The following RIPOR1 variants were observed in gnomAD, a reference collection of about 807,000 sequenced individuals.
RIPOR1 encodes rho family-interacting cell polarization regulator 1.
A neutral mutation model predicts 116.5 loss-of-function variants in RIPOR1; 58 were observed. The ratio of observed to expected loss-of-function variants is 0.50; its 90% CI spans 0.40 to 0.62. The LOEUF is 0.62. RIPOR1 is among the 20% of genes least tolerant of loss of function. The pLI, the probability that RIPOR1 is intolerant of heterozygous loss-of-function variation, is 0.00. For missense variants in RIPOR1, 1,372 were observed against 1,586.2 expected (o/e 0.86, Z 2.29); for synonymous variants, 605 against 650.0 (o/e 0.93, Z 1.05).
Position 67,530,074 on chromosome 16 carries a change from G to A in RIPOR1, c.-24+1160G>A, listed in dbSNP as rs2050616201. The A allele has an allele frequency of 1.6e-6, 1 of 606,588 alleles. No individual in the cohort carries two copies. The highest frequency in any genetic ancestry group is 3.0e-6 in the Non-Finnish European group (1 of 336,862). 37.6% of individuals were successfully genotyped at this position (606,588 alleles called of 1,614,324 possible). On this transcript the variant is annotated intron_variant, in intron 1 of 21. Coordinates refer to ENST00000042381, the MANE Select transcript of RIPOR1 (RefSeq NM_024519.4). The surrounding 1 kb of genome is among the most constrained non-coding windows in gnomAD (Gnocchi z 4.5). Reference sequence around the variant, plus strand: ...GGCTTGGGTCCTGTGACTGCGGCGGGAGAGAGGAGCAAGGTGAGCCGCCCC... The same window carrying A: ...GGCTTGGGTCCTGTGACTGCGGCGGAAGAGAGGAGCAAGGTGAGCCGCCCC...
In RIPOR1 at chr16:67,530,346, G is replaced by A. The variant is rs1479105018; in HGVS notation, c.-24+1432G>A. On this transcript the variant is annotated intron_variant, in intron 1 of 21. Transcript: ENST00000042381. The surrounding 1 kb of genome is among the most constrained non-coding windows in gnomAD (Gnocchi z 4.5). Reference sequence around the variant, plus strand: ...TGAGGCCACCCGACAGCCTCCGCCCGGTTCCGGGGTGGGGGGTCCGGGGCT... The same window carrying A: ...TGAGGCCACCCGACAGCCTCCGCCCAGTTCCGGGGTGGGGGGTCCGGGGCT... Among the ~76,000 whole-genome samples, 1 of 152,242 alleles carries A rather than the reference G, an allele frequency of 6.6e-6. No homozygotes were observed. The highest frequency in any genetic ancestry group is 2.1e-4 in the South Asian group (1 of 4,832).
rs1190733314 is a variant in RIPOR1 at position 67,543,394 on chromosome 16, C to A, written c.2525C>A (p.Thr842Asn). 1.3e-6 allele frequency: 2 copies of A among 1,593,434 alleles called. No homozygotes were observed. The highest frequency in any genetic ancestry group is 2.3e-5 in the East Asian group (1 of 44,206). ...AGCCGGGCCTCCAGTCTCAGCATCA[C>A]TGTGGAGCATGCCTTGGAGAGCTTC... ...TRSRASSLSI[T>N]VEHALESFSF... is the part of the protein sequence containing the mutation. The change falls in exon 14 of 22, where the codon ACT becomes AAT. Residue 842 changes from threonine to asparagine, a missense_variant. Coordinates refer to ENST00000042381, the MANE Select transcript of RIPOR1 (RefSeq NM_024519.4). The surrounding 1 kb of genome is among the most constrained non-coding windows in gnomAD (Gnocchi z 4.7).
chr16:67,544,490 G>A lies in RIPOR1; in HGVS notation c.2733+59G>A. The A allele has an allele frequency of 6.4e-7, 1 of 1,567,670 alleles. No homozygotes were observed. Among genetic ancestry groups the A allele is most frequent in the Non-Finnish European group, 8.6e-7 (1 of 1,156,966 alleles). On this transcript the variant is annotated intron_variant, in intron 15 of 21. Transcript: ENST00000042381. The surrounding 1 kb of genome is among the most constrained non-coding windows in gnomAD (Gnocchi z 5.1). ...GTAACCCCTAACCCCAGGGAGTCCT[G>A]CCCTTCCATCCTGGTCCTCTATACC...
rs1384234551 is a variant in RIPOR1 at position 67,537,235 on chromosome 16, CCTACT to C, written c.-23-1185_-23-1181del. 4.6e-5 allele frequency among the ~76,000 whole-genome samples: 7 copies of C among 152,170 alleles called. No individual in the cohort carries two copies. The highest frequency in any genetic ancestry group is 1.7e-4 in the African/African-American group (7 of 41,454). On this transcript the variant is annotated intron_variant, in intron 1 of 21. Transcript: ENST00000042381. The surrounding 1 kb of genome is among the most constrained non-coding windows in gnomAD (Gnocchi z 4.6). ...GCCTCAATAGCGACTCTTTAAGCCCCCTACTCTAATGTCTGATACTTCCTCCACTT... is the reference window on the plus strand; with the variant it reads ...GCCTCAATAGCGACTCTTTAAGCCCCCTAATGTCTGATACTTCCTCCACTT...
rs373646662 is a variant in RIPOR1 at position 67,539,830 on chromosome 16, C to T, written c.361-16C>T. ...ACCCTGGGCCTCAGGCCCCTCCTGA[C>T]CCACCTCTCCCCCAGCAAGTCAAGT... On this transcript the variant is annotated splice_polypyrimidine_tract_variant and intron_variant, in intron 5 of 21. Transcript: ENST00000042381. The T allele has an allele frequency of 3.1e-6, 5 of 1,614,078 alleles. No homozygotes were observed. Among genetic ancestry groups the T allele is most frequent in the East Asian group, 4.5e-5 (2 of 44,902 alleles).
In RIPOR1 at chr16:67,543,244, C is replaced by T. The variant is rs763455882; in HGVS notation, c.2458C>T (p.Arg820Cys). ...ELQGLEQEVT[R>C]LESLLMQRQG... ...GCAGGGCCTGGAGCAGGAGGTGACCCGCCTAGAAAGTCTGCTCATGGTGAG... is the reference window on the plus strand; with the variant it reads ...GCAGGGCCTGGAGCAGGAGGTGACCTGCCTAGAAAGTCTGCTCATGGTGAG... The change falls in exon 13 of 22, where the codon CGC (arginine) becomes TGC (cysteine). Residue 820 changes from arginine to cysteine, a missense_variant. This residue lies in a region of RIPOR1 where 1,005 missense variants were observed against 1,144.7 expected (regional missense o/e 0.88). Coordinates refer to ENST00000042381, the MANE Select transcript of RIPOR1 (RefSeq NM_024519.4). The surrounding 1 kb of genome is among the most constrained non-coding windows in gnomAD (Gnocchi z 4.7). 2.3e-5 allele frequency: 37 copies of T among 1,591,200 alleles called. No homozygotes were observed. Among genetic ancestry groups the T allele is most frequent in the East Asian group, 4.5e-5 (2 of 44,386 alleles).
In RIPOR1 at chr16:67,530,348, TTCCGGGGTGGGGGG is replaced by T. The variant is rs2050625890; in HGVS notation, c.-24+1442_-24+1455del. Among the ~76,000 whole-genome samples the T allele has an allele frequency of 6.6e-6, 1 of 152,170 alleles. No individual in the cohort carries two copies. Among genetic ancestry groups the T allele is most frequent in the South Asian group, 2.1e-4 (1 of 4,836 alleles). On this transcript the variant is annotated intron_variant, in intron 1 of 21. Coordinates refer to ENST00000042381, the MANE Select transcript of RIPOR1 (RefSeq NM_024519.4). The surrounding 1 kb of genome is among the most constrained non-coding windows in gnomAD (Gnocchi z 4.5). The stretch of plus-strand genomic sequence containing the variant: ...AGGCCACCCGACAGCCTCCGCCCGG[TTCCGGGGTGGGGGG>T]TCCGGGGCTGTGCCGCTCCCCCTCC...
In RIPOR1 at chr16:67,544,638, C is replaced by G; in HGVS notation, c.2734-57C>G. The G allele has an allele frequency of 1.2e-6, 2 of 1,604,636 alleles. No homozygotes were observed. Among genetic ancestry groups the G allele is most frequent in the Non-Finnish European group, 1.7e-6 (2 of 1,178,536 alleles). ...GCATGCTGGGACTTGTCCCTGAGCA[C>G]GATCCTCCCGAGCCCTACCCTGAGG... On this transcript the variant is annotated intron_variant, in intron 15 of 21. Coordinates refer to ENST00000042381, the MANE Select transcript of RIPOR1 (RefSeq NM_024519.4). The surrounding 1 kb of genome is among the most constrained non-coding windows in gnomAD (Gnocchi z 5.1).
Position 67,529,873 on chromosome 16 carries a change from T to C in RIPOR1, c.-24+959T>C. On this transcript the variant is annotated intron_variant, in intron 1 of 21. Transcript: ENST00000042381. This position sits in a 1 kb window ranked among gnomAD's most constrained non-coding sequence, Gnocchi z 4.1. ...AGGCCCAGAGAGGTTAGTAGTATTC[T>C]CAAGGTCACACAGCTGGTTTGGGAG... 6.7e-7 allele frequency: 1 copy of C among 1,485,944 alleles called. No homozygotes were observed. Among genetic ancestry groups the C allele is most frequent in the Non-Finnish European group, 9.1e-7 (1 of 1,101,122 alleles). 92.0% of individuals were successfully genotyped at this position (1,485,944 alleles called of 1,614,324 possible).
Position 67,540,386 on chromosome 16 carries a change from G to C in RIPOR1, c.631+23G>C, listed in dbSNP as rs199696724. 1.3e-4 allele frequency: 210 copies of C among 1,614,034 alleles called. No homozygotes were observed. The highest frequency in any genetic ancestry group is 1.7e-4 in the Non-Finnish European group (197 of 1,180,010). ...AAGGTACTGAGTTGTGGGGGCAGGT[G>C]GGGGGCTGGAGGGAGTATGCTGAAG... On this transcript the variant is annotated intron_variant, in intron 8 of 21. Transcript: ENST00000042381. The surrounding 1 kb of genome is among the most constrained non-coding windows in gnomAD (Gnocchi z 4.7).
In RIPOR1 at chr16:67,540,564, T is replaced by C; in HGVS notation, c.676-15T>C. 1.2e-6 allele frequency: 2 copies of C among 1,614,094 alleles called. No individual in the cohort carries two copies. Among genetic ancestry groups the C allele is most frequent in the Non-Finnish European group, 1.7e-6 (2 of 1,179,964 alleles). Reference sequence around the variant, plus strand: ...TCCCAACACCTAGGCTGCCTCATCCTACCTGTTCCCCCAGATCTGCATGAA... The same window carrying C: ...TCCCAACACCTAGGCTGCCTCATCCCACCTGTTCCCCCAGATCTGCATGAA... On this transcript the variant is annotated splice_polypyrimidine_tract_variant and intron_variant, in intron 9 of 21. Transcript: ENST00000042381. The surrounding 1 kb of genome is among the most constrained non-coding windows in gnomAD (Gnocchi z 4.7).
In RIPOR1 at chr16:67,542,813, T is replaced by G; in HGVS notation, c.2027T>G (p.Val676Gly). The change falls in exon 13 of 22, where the codon GTA becomes GGA. Residue 676 changes from valine (V) to glycine (G), a missense_variant. By Grantham distance (109) the Val-to-Gly change is moderately radical. Around this residue, in one of 3 missense-constraint regions of RIPOR1, gnomAD observed 1,005 missense variants for 1,144.7 expected, o/e 0.88. Transcript: ENST00000042381. This position sits in a 1 kb window ranked among gnomAD's most constrained non-coding sequence, Gnocchi z 4.6. ...HPTTSPILIN[V>G]SPSTSLELAT... ...ACCACAAGCCCCATCCTTATAAATG[T>G]AAGCCCTTCCACTTCTCTAGAACTT... 6.2e-7 allele frequency: 1 copy of G among 1,613,932 alleles called. No individual in the cohort carries two copies. The highest frequency in any genetic ancestry group is 1.7e-4 in the Middle Eastern group (1 of 6,060).
chr16:67,533,421 G>A (rs1392683201), intron 1 of RIPOR1, among the ~76,000 whole-genome samples: 1 of 152,096 alleles, frequency 6.6e-6, no homozygotes, highest in East Asian at 1.9e-4. Flanking sequence ...AGGCCCATTC[G>A]GGGATGGGAG....
At chr16:67,523,937 G>A (rs923876224), upstream of RIPOR1, among the ~76,000 whole-genome samples, 43 of 151,984 alleles carry the variant, frequency 2.8e-4, no homozygotes, top group African/African-American at 9.2e-4. Context: ...CTTGCCTCCC[G>A]AAGTGCTGAA....
upstream of RIPOR1, among the ~76,000 whole-genome samples, chr16:67,523,968 C>T (rs1041530970): frequency 1.3e-5 from 2 of 152,160 alleles, no homozygotes; most frequent in African/African-American, 4.8e-5. Context: ...TGAGCCACTA[C>T]CACACCCAGC....
chr16:67,542,035 C>A lies in RIPOR1; in HGVS notation c.1249C>A (p.Arg417Ser). ...PEPLPIQVAF[R>S]RPETPSSGPL... ...GCCCCTTCCCATCCAAGTTGCCTTC[C>A]GCAGGCCTGAGACCCCCAGCTCTGG... The change falls in exon 13 of 22, where the codon CGC (arginine) becomes AGC (serine). Residue 417 changes from arginine (R) to serine (S), a missense_variant. Physicochemically the swap from Arg to Ser is moderately radical, Grantham distance 110. Around this residue, in one of 3 missense-constraint regions of RIPOR1, gnomAD observed 1,005 missense variants for 1,144.7 expected, o/e 0.88. Transcript: ENST00000042381. This position sits in a 1 kb window ranked among gnomAD's most constrained non-coding sequence, Gnocchi z 4.6. 1 of 1,608,104 alleles carries A rather than the reference C, an allele frequency of 6.2e-7. No homozygotes were observed. The highest frequency in any genetic ancestry group is 8.5e-7 in the Non-Finnish European group (1 of 1,175,912).
intron 4 of RIPOR1, 84 bp from the exon 5 acceptor site, chr16:67,539,644 G>T: frequency 6.7e-7 from 1 of 1,503,406 alleles, no homozygotes; most frequent in South Asian, 1.1e-5. Flanking sequence ...GTGTGAGAAA[G>T]GGGAGCTGTG....
rs1008566449 is a variant in RIPOR1, at chr16:67,529,031, C to T, written c.-24+117C>T. 3.2e-5 allele frequency: 5 copies of T among 155,822 alleles called. No individual in the cohort carries two copies. Among genetic ancestry groups the T allele is most frequent in the Non-Finnish European group, 5.7e-5 (4 of 69,702 alleles). 9.7% of individuals were successfully genotyped at this position (155,822 alleles called of 1,614,324 possible). A position where few individuals can be genotyped will look rare whatever the true frequency, so the allele number is the denominator to read the frequency against. On this transcript the variant is annotated intron_variant, in intron 1 of 21. Coordinates refer to ENST00000042381, the MANE Select transcript of RIPOR1 (RefSeq NM_024519.4). The surrounding 1 kb of genome is among the most constrained non-coding windows in gnomAD (Gnocchi z 4.1). ...TCCGGGATCTGCGGCTCTGTCCCGC[C>T]TCACCCCATCTCCCGGACCCCGGCC...
intron 4 of RIPOR1, 70 bp from the exon 5 acceptor site, chr16:67,539,658 A>G (rs531936948): frequency 1.8e-4 from 287 of 1,573,684 alleles, no homozygotes; most frequent in Admixed American, 2.8e-4. Flanking sequence ...AGCTGTGACG[A>G]GTCTGAGTGC....
Sources: allele counts gnomAD v4.1 joint callset (sites outside exome capture counted in the v4.1 genomes callset), GRCh38; gene constraint gnomAD v4.1.1; regional missense constraint gnomAD v4.1.1; non-coding constraint Gnocchi (gnomAD v3.1); transcripts MANE v1.5; gene names NCBI Gene and HGNC (gene_info 2026-07-23, HGNC 2026-07-21).